Variants in CNTN4 observed in about 807,000 individuals in gnomAD.
The protein encoded by CNTN4 is contactin-4.
CNTN4 carries 77 observed loss-of-function variants against 122.5 expected under a neutral mutation model. The ratio of observed to expected loss-of-function variants is 0.63; its 90% CI spans 0.52 to 0.76. The LOEUF is 0.76. Among genes scored for constraint, CNTN4 ranks in the 30% least tolerant of loss-of-function variants. CNTN4 has a pLI of 0.00. For missense variants in CNTN4, 1,256 were observed against 1,259.1 expected, an observed-to-expected ratio of 1.00 and a Z score of 0.04; for synonymous variants, 512 against 447.0, an observed-to-expected ratio of 1.15 and a Z score of -1.83.
intron 3 of CNTN4, among the ~76,000 whole-genome samples, chr3:2,439,319 C>T (rs2048355267): frequency 1.3e-5 from 2 of 152,166 alleles, no homozygotes; most frequent in Admixed American, 1.3e-4. Context: ...TGTTTTAAGA[C>T]TTTCCAATTT....
intron 4 of CNTN4, among the ~76,000 whole-genome samples, chr3:2,725,269 T>C (rs1284133467): frequency 1.3e-5 from 2 of 152,148 alleles, no homozygotes; most frequent in African/African-American, 4.8e-5. Flanking sequence ...TGGCTCATGA[T>C]TGTAGATCAC....
intron 5 of CNTN4, among the ~76,000 whole-genome samples, chr3:2,737,099 G>C (rs762251747): frequency 5.3e-5 from 8 of 151,608 alleles, no homozygotes; most frequent in Non-Finnish European, 7.4e-5. Flanking sequence ...TTTATTTTTC[G>C]AGACAGGGTC....
intron 6 of CNTN4, among the ~76,000 whole-genome samples, chr3:2,753,957 C>G (rs931558636): frequency 6.6e-5 from 10 of 152,092 alleles, no homozygotes; most frequent in Non-Finnish European, 5.9e-5. Flanking sequence ...AATATTTCTG[C>G]TCTAAAAGTT....
intron 4 of CNTN4, among the ~76,000 whole-genome samples, chr3:2,730,824 T>A (rs1432707204): frequency 6.6e-6 from 1 of 152,118 alleles, no homozygotes; most frequent in East Asian, 1.9e-4. Flanking sequence ...ATTCAGATTC[T>A]CTTGCCCAGC....
chr3:2,821,218 A>G lies in CNTN4; in HGVS notation c.454+1637A>G, dbSNP rs145268789. 3.5e-4 allele frequency among the ~76,000 whole-genome samples: 54 copies of G among 152,162 alleles called. No homozygotes were observed. The East Asian group carries it at 0.01, about 30-fold the overall frequency. ...GTGATCCACCCACCTTGGCCTCCCA[A>G]AGTGCTGGGATTACAGGCATGAGTC... On this transcript the variant is annotated intron_variant, in intron 7 of 24. Coordinates refer to ENST00000418658, the MANE Select transcript of CNTN4 (RefSeq NM_175607.3).
intron 4 of CNTN4, among the ~76,000 whole-genome samples, chr3:2,599,830 A>T (rs2149729063): frequency 6.6e-6 from 1 of 152,186 alleles, no homozygotes; most frequent in Middle Eastern, 3.4e-3. Context: ...TGGAGAAAGA[A>T]GCATTGGGTA....
intron 6 of CNTN4, among the ~76,000 whole-genome samples, chr3:2,787,389 T>C (rs907001091): frequency 1.8e-4 from 27 of 151,896 alleles, no homozygotes; most frequent in African/African-American, 6.5e-4. Context: ...AAAACATACA[T>C]AAATAAAATA....
At chr3:2,240,262 A>T (rs1054070031) in intron 2 of CNTN4, among the ~76,000 whole-genome samples, 1 of 152,120 alleles carries the variant, frequency 6.6e-6, no homozygotes. Context: ...TTCATTTGAG[A>T]TATGTTTTCT....
chr3:3,048,089 A>T (rs1307940682), intron 23 of CNTN4, among the ~76,000 whole-genome samples: 1 of 152,156 alleles, frequency 6.6e-6, no homozygotes, highest in Admixed American at 6.5e-5. Flanking sequence ...ACACCTCCTC[A>T]ACTACACCCC....
chr3:2,753,307 T>G (rs2090182087), intron 6 of CNTN4, among the ~76,000 whole-genome samples: 1 of 152,188 alleles, frequency 6.6e-6, no homozygotes, highest in African/African-American at 2.4e-5. Flanking sequence ...TCCTTTGTTG[T>G]GAGGATCAAA....
Position 2,861,947 on chromosome 3 carries a change from T to A in CNTN4, c.455-4805T>A, listed in dbSNP as rs368172640. ...GATTTCTTCTGGCTCCAAAATACAT[T>A]TTTAAAGGAACATATGGCTTCCTAA... On this transcript the variant is annotated intron_variant, in intron 7 of 24. Transcript: ENST00000418658. 2.1e-4 allele frequency among the ~76,000 whole-genome samples: 32 copies of A among 152,328 alleles called. 1 individual carries two copies. In the East Asian group the frequency reaches 6.2e-3, roughly 29 times the overall value.
intron 10 of CNTN4, among the ~76,000 whole-genome samples, chr3:2,899,349 A>G (rs2094148035): frequency 6.6e-6 from 1 of 152,240 alleles, no homozygotes; most frequent in African/African-American, 2.4e-5. Flanking sequence ...AGAGATGTTA[A>G]GAATAATGAG....
At chr3:2,950,543 A>T (rs1029346769) in intron 13 of CNTN4, among the ~76,000 whole-genome samples, 2 of 152,182 alleles carry the variant, frequency 1.3e-5, no homozygotes, top group Non-Finnish European at 2.9e-5. Context: ...TCTGTGCATG[A>T]CATGTGAGCC....
rs2045653741 is a variant in CNTN4, at chr3:2,372,127, C to G, written c.-89+32894C>G. On this transcript the variant is annotated intron_variant, in intron 3 of 24. Transcript: ENST00000418658. The stretch of plus-strand genomic sequence containing the variant: ...AATAGGAAAGTTGCATAAATGTGAT[C>G]ACTCTCAAAATAATCTTTTGTTACA... 2.0e-5 allele frequency among the ~76,000 whole-genome samples: 3 copies of G among 152,178 alleles called. No individual in the cohort carries two copies. The South Asian group carries it at 6.2e-4, about 31-fold the overall frequency.
At chr3:2,531,222 G>T (rs145153943) in intron 3 of CNTN4, among the ~76,000 whole-genome samples, 1 of 152,226 alleles carries the variant, frequency 6.6e-6, no homozygotes, top group Non-Finnish European at 1.5e-5. Context: ...AGCCAGGAAA[G>T]GAGACAAGGT....
At chr3:2,658,658 G>A (rs1329138535) in intron 4 of CNTN4, among the ~76,000 whole-genome samples, 1 of 151,890 alleles carries the variant, frequency 6.6e-6, no homozygotes, top group East Asian at 1.9e-4. Context: ...TATTCCTTTT[G>A]GACATTTGCA....
intron 3 of CNTN4, among the ~76,000 whole-genome samples, chr3:2,397,237 T>C (rs751490245): frequency 1.3e-5 from 2 of 152,184 alleles, no homozygotes; most frequent in African/African-American, 4.8e-5. Flanking sequence ...ACATCTGATA[T>C]AGTAAGTATA....
chr3:2,124,369 G>C (rs2033989915), intron 2 of CNTN4, among the ~76,000 whole-genome samples: 6 of 151,820 alleles, frequency 4.0e-5, no homozygotes, highest in Admixed American at 3.9e-4. Flanking sequence ...TTGGCAGATA[G>C]AGGATTCTTT....
chr3:2,524,261 C>A (rs544444336), intron 3 of CNTN4, among the ~76,000 whole-genome samples: 5 of 152,090 alleles, frequency 3.3e-5, no homozygotes, highest in Non-Finnish European at 5.9e-5. Flanking sequence ...ACTGGCTTAT[C>A]TTGCTTGGCA....
Sources: allele counts gnomAD v4.1 joint callset (sites outside exome capture counted in the v4.1 genomes callset), GRCh38; gene constraint gnomAD v4.1.1; transcripts MANE v1.5; gene names NCBI Gene and HGNC (gene_info 2026-07-23, HGNC 2026-07-21).